The following KANK1 variants were observed in gnomAD, a reference collection of about 807,000 sequenced individuals.
KANK1 encodes KN motif and ankyrin repeat domain-containing protein 1.
Under a neutral mutation model 106.2 loss-of-function variants are expected in KANK1, and 109 were observed. The ratio of observed to expected loss-of-function variants is 1.03; its 90% confidence interval spans 0.88 to 1.20. The LOEUF (loss-of-function observed/expected upper bound fraction) is 1.20, where lower values mean the gene tolerates loss of function less well. Among genes scored for constraint, KANK1 ranks in the 50% most tolerant of loss-of-function variants. KANK1 has a pLI of 0.00. For synonymous variants in KANK1, 873 were observed against 652.2 expected (o/e 1.34, Z -5.16); for missense variants, 2,399 against 1,710.7 (o/e 1.40, Z -7.10).
At chr9:692,230 G>A (rs1238992778) in intron 2 of KANK1, among the ~76,000 whole-genome samples, 1 of 151,766 alleles carries the variant, frequency 6.6e-6, no homozygotes, top group Non-Finnish European at 1.5e-5. Flanking sequence ...ATCTCCTACT[G>A]GTGACCACAG....
chr9:637,921 C>T (rs549786648), intron 1 of KANK1, among the ~76,000 whole-genome samples: 6 of 152,128 alleles, frequency 3.9e-5, no homozygotes, highest in African/African-American at 1.4e-4. Flanking sequence ...TCAATGAAAC[C>T]ATCAGAGACT....
chr9:710,738 C>A (rs1358874846), intron 2 of KANK1, 66 bp from the exon 3 acceptor site: 2 of 1,441,314 alleles, frequency 1.4e-6, no homozygotes, highest in Non-Finnish European at 1.9e-6. Flanking sequence ...GCAACAAACA[C>A]AAATATTAGT....
At chr9:742,783 G>C (rs1330938762) in intron 10 of KANK1, among the ~76,000 whole-genome samples, 4 of 152,216 alleles carry the variant, frequency 2.6e-5, no homozygotes, top group Admixed American at 6.5e-5. Flanking sequence ...TATCATTAGA[G>C]GCTGGGGTTA....
chr9:718,122 C>T (rs1010320935), intron 3 of KANK1, among the ~76,000 whole-genome samples: 10 of 152,014 alleles, frequency 6.6e-5, no homozygotes, highest in African/African-American at 2.2e-4. Flanking sequence ...ATATCATTTA[C>T]CTGTCTTAGC....
chr9:617,403 C>T (rs377664105), intron 1 of KANK1, among the ~76,000 whole-genome samples: 1 of 152,070 alleles, frequency 6.6e-6, no homozygotes, highest in Non-Finnish European at 1.5e-5. Context: ...ATGTTTTATT[C>T]CCTTATTTTC....
intron 1 of KANK1, among the ~76,000 whole-genome samples, chr9:669,791 T>A (rs1845484832): frequency 6.6e-6 from 1 of 152,202 alleles, no homozygotes; most frequent in South Asian, 2.1e-4. Flanking sequence ...TTTTCTGTTA[T>A]TATTTATTGA....
chr9:678,252 A>T (rs748295918), intron 2 of KANK1, among the ~76,000 whole-genome samples: 1 of 152,200 alleles, frequency 6.6e-6, no homozygotes, highest in Non-Finnish European at 1.5e-5. Context: ...AATAATAAAG[A>T]CATGAATGAT....
intron 1 of KANK1, among the ~76,000 whole-genome samples, chr9:533,943 C>G (rs939203281): frequency 1.3e-5 from 2 of 152,194 alleles, no homozygotes; most frequent in African/African-American, 4.8e-5. Context: ...GATTGACTAG[C>G]TGACACCCCC....
chr9:517,458 CTGTTTCTTTT>C (rs2059334560), intron 1 of KANK1, among the ~76,000 whole-genome samples: 1 of 142,384 alleles, frequency 7.0e-6, no homozygotes, highest in African/African-American at 3.1e-5. Flanking sequence ...ATAAAGAACA[CTGTTTCTTTT>C]TGTTTCTTTT....
rs1283765112 is a variant in KANK1, at chr9:742,431, G to T, written c.3897+26G>T. ...GTAAGCTGTCTCCATTGGGCCTCCT[G>T]GCCAGGGGTCTGGGGGACTCTGGAC... On this transcript the variant is annotated intron_variant, in intron 10 of 11. Transcript: ENST00000382297. 3.2e-6 allele frequency: 5 copies of T among 1,586,930 alleles called. No homozygotes were observed. The South Asian group carries it at 5.7e-5, about 18-fold the overall frequency.
chr9:655,398 A>G (rs991236014), intron 1 of KANK1, among the ~76,000 whole-genome samples: 2 of 145,846 alleles, frequency 1.4e-5, no homozygotes, highest in African/African-American at 5.1e-5. Flanking sequence ...AAAATCCAAG[A>G]TTGTGAACCA....
chr9:541,136 A>G (rs959416038), intron 1 of KANK1, among the ~76,000 whole-genome samples: 3 of 152,090 alleles, frequency 2.0e-5, no homozygotes, highest in South Asian at 4.1e-4. Flanking sequence ...AAAAAAACAC[A>G]AAAAAACAGA....
chr9:559,276 A>G (rs1815737645), intron 1 of KANK1, among the ~76,000 whole-genome samples: 1 of 152,196 alleles, frequency 6.6e-6, no homozygotes, highest in African/African-American at 2.4e-5. Flanking sequence ...TGCAGAGATC[A>G]TCCATTTAAT....
At chr9:508,918 T>C (rs779638405) in intron 1 of KANK1, among the ~76,000 whole-genome samples, 2 of 152,158 alleles carry the variant, frequency 1.3e-5, no homozygotes, top group Admixed American at 6.5e-5. Context: ...CAAATTCTAT[T>C]CAGAAGTAGA....
chr9:503,396 C>T (rs1387486811), upstream of KANK1, among the ~76,000 whole-genome samples: 1 of 152,174 alleles, frequency 6.6e-6, no homozygotes, highest in Non-Finnish European at 1.5e-5. Context: ...AGCTTTCCTG[C>T]CTTCACATAT....
chr9:698,240 G>A (rs1196274634), intron 2 of KANK1, among the ~76,000 whole-genome samples: 1 of 152,068 alleles, frequency 6.6e-6, no homozygotes, highest in African/African-American at 2.4e-5. Context: ...AGCCTCACAG[G>A]CATTTTCAGT....
rs58538496 is a variant in KANK1, at chr9:494,491, A to G, written c.-362+21218A>G. On this transcript the variant is annotated intron_variant, in intron 3 of 15. Coordinates refer to the KANK1 transcript ENST00000382303. ...TGTACCTGGTTTGGTCTGTGTGATG[A>G]TAGAATATAGCAGAAGCAATGGTAT... 7.3e-3 allele frequency among the ~76,000 whole-genome samples: 1,115 copies of G among 152,280 alleles called. 19 individuals carry two copies. The highest frequency in any genetic ancestry group is 0.024 in the African/African-American group (1,000 of 41,526).
chr9:657,689 G>A (rs1028920205), intron 1 of KANK1, among the ~76,000 whole-genome samples: 2 of 152,082 alleles, frequency 1.3e-5, no homozygotes, highest in African/African-American at 4.8e-5. Flanking sequence ...CCATTTTCAG[G>A]TGAGGTGCGT....
Position 551,816 on chromosome 9 carries a change from G to A in KANK1, c.-84+47062G>A, listed in dbSNP as rs184783615. 2.8e-4 allele frequency among the ~76,000 whole-genome samples: 43 copies of A among 152,146 alleles called. No individual in the cohort carries two copies. In the East Asian group the frequency reaches 7.7e-3, roughly 27 times the overall value. ...TAATCCCAGCACTTTGAGAGGCCAA[G>A]GCAGGAGGATTGCTTGAGCCCAGGA... On this transcript the variant is annotated intron_variant, in intron 1 of 11. Coordinates refer to ENST00000382297, the MANE Select transcript of KANK1 (RefSeq NM_015158.5).
Sources: allele counts gnomAD v4.1 joint callset (sites outside exome capture counted in the v4.1 genomes callset), GRCh38; gene constraint gnomAD v4.1.1; transcripts MANE v1.5; gene names NCBI Gene and HGNC (gene_info 2026-07-23, HGNC 2026-07-21).